TFCP2: variants seen among roughly 807,000 people sequenced by gnomAD.
TFCP2 encodes alpha-globin transcription factor CP2.
In TFCP2, 33 loss-of-function variants were observed where a neutral mutation model predicts 73.4. That is an observed-to-expected ratio of 0.45 (90% CI 0.34 to 0.60). The LOEUF (loss-of-function observed/expected upper bound fraction) is 0.60. Among genes scored for constraint, TFCP2 ranks in the 20% least tolerant of loss-of-function variants. The pLI is 0.01. For synonymous variants in TFCP2, 193 were observed against 211.6 expected (o/e 0.91, Z 0.76); for missense variants, 352 against 604.0 (o/e 0.58, Z 4.37).
At chr12:51,162,648 A>G (rs1475824073) in intron 1 of TFCP2, among the ~76,000 whole-genome samples, 10 of 152,128 alleles carry the variant, frequency 6.6e-5, no homozygotes, top group Admixed American at 4.6e-4. Flanking sequence ...TATAGTCCCC[A>G]TGATGTACAA....
At chr12:51,156,341 C>T (rs1158324037) in intron 1 of TFCP2, among the ~76,000 whole-genome samples, 1 of 144,018 alleles carries the variant, frequency 6.9e-6, no homozygotes, top group Non-Finnish European at 1.6e-5. Flanking sequence ...ACAGAGGAAG[C>T]AAGGGGGGGG....
rs114452028 is a variant in TFCP2 at position 51,124,813 on chromosome 12, C to G, written c.123-6041G>C. On this transcript the variant is annotated intron_variant, in intron 1 of 14. Transcript: ENST00000257915. ...GCCTTTTTCTGCTGCTCAGCCTTTTCCTTCACAAATCTGGCCCTCTCTGCT... is the reference window on the plus strand; with the variant it reads ...GCCTTTTTCTGCTGCTCAGCCTTTTGCTTCACAAATCTGGCCCTCTCTGCT... The G allele has an allele frequency of 1.5e-3, 1,628 of 1,089,636 alleles. 8 individuals carry two copies. In the African/African-American group the frequency reaches 0.018, roughly 12 times the overall value. The allele number at this position is 1,089,636 out of a possible 1,614,324, so 67.5% of individuals were successfully genotyped here.
intron 4 of TFCP2, among the ~76,000 whole-genome samples, 187 bp downstream of exon 4, chr12:51,116,128 C>A (rs546021209): frequency 2.6e-5 from 4 of 152,304 alleles, no homozygotes; most frequent in African/African-American, 9.6e-5. Context: ...GTTTACACTT[C>A]CAACTTCAAT....
intron 4 of TFCP2, among the ~76,000 whole-genome samples, chr12:51,115,437 G>A (rs879325494): frequency 5.9e-5 from 9 of 152,102 alleles, no homozygotes; most frequent in Admixed American, 3.3e-4. Flanking sequence ...GAACCTTTGA[G>A]TACCGCTGGT....
intron 5 of TFCP2, among the ~76,000 whole-genome samples, chr12:51,110,390 G>A (rs1052701193): frequency 3.9e-5 from 6 of 152,054 alleles, no homozygotes; most frequent in African/African-American, 1.2e-4. Flanking sequence ...CTAGCATGGC[G>A]AAATCCCACC....
Position 51,133,353 on chromosome 12 carries a change from G to T in TFCP2, c.123-14581C>A, listed in dbSNP as rs1940994362. 2.6e-5 allele frequency among the ~76,000 whole-genome samples: 4 copies of T among 151,486 alleles called. No homozygotes were observed. In the South Asian group the frequency reaches 8.3e-4, roughly 32 times the overall value. On this transcript the variant is annotated intron_variant, in intron 1 of 14. Coordinates refer to ENST00000257915, the MANE Select transcript of TFCP2 (RefSeq NM_005653.5). ...GACGGTCTTGCTCTGTTGCCCAGGT[G>T]GGGTACAGTGGCGTAATCACCACTC...
intron 1 of TFCP2, among the ~76,000 whole-genome samples, chr12:51,158,740 T>C (rs1168554660): frequency 6.6e-6 from 1 of 151,064 alleles, no homozygotes; most frequent in Non-Finnish European, 1.5e-5. Flanking sequence ...CCACCAGCCT[T>C]GGCCTCCCAA....
intron 8 of TFCP2, among the ~76,000 whole-genome samples, chr12:51,104,856 C>T (rs531082598): frequency 2.0e-5 from 3 of 151,564 alleles, no homozygotes; most frequent in Non-Finnish European, 2.9e-5. Context: ...GGACTACAGG[C>T]GCCTGCCACT....
intron 13 of TFCP2, among the ~76,000 whole-genome samples, chr12:51,096,533 T>A (rs1831454985): frequency 1.3e-5 from 2 of 152,208 alleles, no homozygotes. Flanking sequence ...GGTGGCAAAG[T>A]GGAATGGCGA....
intron 1 of TFCP2, among the ~76,000 whole-genome samples, chr12:51,136,028 C>T (rs915976851): frequency 2.6e-5 from 4 of 151,888 alleles, no homozygotes; most frequent in Non-Finnish European, 5.9e-5. Context: ...GTTCCCTGGC[C>T]GGGCGCGGTG....
At chr12:51,162,500 C>A (rs1941670070) in intron 1 of TFCP2, among the ~76,000 whole-genome samples, 1 of 151,756 alleles carries the variant, frequency 6.6e-6, no homozygotes, top group African/African-American at 2.4e-5. Context: ...TACTGGGGTA[C>A]CATCAAATGT....
Position 51,172,664 on chromosome 12 carries a change from G to T in TFCP2, c.-242C>A, listed in dbSNP as rs1195940495. ...TCCCCCCTGCCCAGCTCTCAGGAAC[G>T]TGAGGACCCCTTTGCTCAACTACTG... On this transcript the variant is annotated 5_prime_UTR_variant, in exon 1 of 15. Transcript: ENST00000257915. The T allele has an allele frequency of 4.3e-6, 2 of 461,496 alleles. No homozygotes were observed. The highest frequency in any genetic ancestry group is 7.9e-6 in the Non-Finnish European group (2 of 253,564). 28.6% of individuals were successfully genotyped at this position (461,496 alleles called of 1,614,324 possible). A position where few individuals can be genotyped will look rare whatever the true frequency, so the allele number is the denominator to read the frequency against.
chr12:51,122,260 T>C (rs1010022706), intron 1 of TFCP2, among the ~76,000 whole-genome samples: 41 of 138,840 alleles, frequency 3.0e-4, no homozygotes, highest in Middle Eastern at 3.6e-3. Context: ...TTTCTTTTTT[T>C]TTTTTTTTTT....
At chr12:51,108,106 G>A (rs187552767) in intron 6 of TFCP2, among the ~76,000 whole-genome samples, 25 of 150,496 alleles carry the variant, frequency 1.7e-4, no homozygotes, top group African/African-American at 5.4e-4. Flanking sequence ...CCAACATGGC[G>A]AAACCCTGTC....
At chr12:51,121,922 C>T (rs1033643072) in intron 1 of TFCP2, among the ~76,000 whole-genome samples, 4 of 152,186 alleles carry the variant, frequency 2.6e-5, no homozygotes, top group Non-Finnish European at 4.4e-5. Flanking sequence ...TATATCTCAC[C>T]TGTATACACA....
chr12:51,147,175 TC>T (rs1329800354), intron 1 of TFCP2, among the ~76,000 whole-genome samples: 1 of 152,154 alleles, frequency 6.6e-6, no homozygotes, highest in African/African-American at 2.4e-5. Flanking sequence ...AAACTCCATC[TC>T]TACTAAAAAT....
chr12:51,118,897 C>T, intron 1 of TFCP2, 125 bp from the exon 2 acceptor site: 1 of 1,088,878 alleles, frequency 9.2e-7, no homozygotes, highest in South Asian at 1.5e-5. Context: ...GGAGTTTCAT[C>T]CCAAGAATTC....
chr12:51,140,548 A>G (rs1198931207), intron 1 of TFCP2, among the ~76,000 whole-genome samples: 1 of 147,850 alleles, frequency 6.8e-6, no homozygotes, highest in Non-Finnish European at 1.5e-5. Context: ...AGCCTCCCAA[A>G]GTGCTGGGAT....
intron 1 of TFCP2, among the ~76,000 whole-genome samples, chr12:51,144,808 T>C (rs900388804): frequency 6.6e-6 from 1 of 152,238 alleles, no homozygotes; most frequent in Non-Finnish European, 1.5e-5. Flanking sequence ...ATGCCTGCAA[T>C]CCCAACACTT....
Sources: allele counts gnomAD v4.1 joint callset (sites outside exome capture counted in the v4.1 genomes callset), GRCh38; gene constraint gnomAD v4.1.1; transcripts MANE v1.5; gene names NCBI Gene and HGNC (gene_info 2026-07-23, HGNC 2026-07-21).